Variants in ANKFN1 observed in about 807,000 individuals in gnomAD.
The protein encoded by ANKFN1 is ankyrin repeat and fibronectin type-III domain-containing protein 1.
ANKFN1 carries 74 observed loss-of-function variants against 108.7 expected under a neutral mutation model. The ratio of observed to expected loss-of-function variants is 0.68; its 90% confidence interval spans 0.56 to 0.83. The LOEUF (loss-of-function observed/expected upper bound fraction) is 0.83, where lower values mean the gene tolerates loss of function less well. Among genes scored for constraint, ANKFN1 ranks in the 40% least tolerant of loss-of-function variants. The pLI, the probability that ANKFN1 is intolerant of heterozygous loss-of-function variation, is 0.00. For synonymous variants in ANKFN1, 547 were observed against 516.2 expected (o/e 1.06, Z -0.81); for missense variants, 1,505 against 1,382.3 (o/e 1.09, Z -1.41).
At chr17:56,105,388 G>A (rs186153478) in intron 4 of ANKFN1, among the ~76,000 whole-genome samples, 90 of 152,178 alleles carry the variant, frequency 5.9e-4, no homozygotes, top group African/African-American at 2.1e-3. Flanking sequence ...GCACACCTCC[G>A]AGGCACGTGT....
intron 3 of ANKFN1, among the ~76,000 whole-genome samples, chr17:56,249,380 G>A (rs1480986837): frequency 6.6e-6 from 1 of 151,820 alleles, no homozygotes; most frequent in Admixed American, 6.6e-5. Flanking sequence ...ATTGCAGTAA[G>A]CCAAGATCGC....
At chr17:56,361,850 C>T (rs2046528945) in intron 6 of ANKFN1, among the ~76,000 whole-genome samples, 1 of 152,088 alleles carries the variant, frequency 6.6e-6, no homozygotes, top group African/African-American at 2.4e-5. Context: ...TACTCTATGA[C>T]ATGGCAGTTG....
At chr17:56,124,670 C>G (rs4427864) in intron 4 of ANKFN1, among the ~76,000 whole-genome samples, 89,741 of 152,046 alleles carry the variant, frequency 0.59, 27,021 homozygotes, top group East Asian at 0.81. Flanking sequence ...CATTACTTTT[C>G]TTGGACTAGC....
intron 3 of ANKFN1, among the ~76,000 whole-genome samples, chr17:56,246,550 C>T (rs569143140): frequency 6.6e-5 from 10 of 151,624 alleles, no homozygotes; most frequent in Admixed American, 4.6e-4. Flanking sequence ...AATTTTTTTT[C>T]CCTGGTGGAG....
intron 8 of ANKFN1, among the ~76,000 whole-genome samples, chr17:56,410,474 GA>G (rs2048059777): frequency 6.6e-6 from 1 of 152,104 alleles, no homozygotes; most frequent in South Asian, 2.1e-4. Flanking sequence ...ATACATTGTA[GA>G]AAAATTCAAT....
rs537154123 is a variant in ANKFN1, at chr17:56,309,562, C to G, written c.54-16659C>G. Among the ~76,000 whole-genome samples, 4 of 151,520 alleles carry G rather than the reference C, an allele frequency of 2.6e-5. No homozygotes were observed. In the South Asian group the frequency reaches 8.3e-4, roughly 32 times the overall value. ...ATAGATTTCTGCTCTTTTTTTGATT[C>G]ATAGATTGGAAGAATTTTCTAAAAT... On this transcript the variant is annotated intron_variant, in intron 3 of 20. Transcript: ENST00000682825.
At chr17:56,383,800 T>A (rs1377361407) in intron 8 of ANKFN1, among the ~76,000 whole-genome samples, 5 of 152,196 alleles carry the variant, frequency 3.3e-5, no homozygotes, top group Non-Finnish European at 7.3e-5. Context: ...AATCTCTAAA[T>A]AGACCAATAA....
chr17:56,058,630 C>CCT (rs35682195), intron 4 of ANKFN1, among the ~76,000 whole-genome samples: 123,038 of 151,802 alleles, frequency 0.81, 50,329 homozygotes, highest in African/African-American at 0.9. Context: ...TGTTCCGCTC[C>CCT]GTGTCCAAGT....
rs138190520 is a variant in ANKFN1 at position 56,227,169 on chromosome 17, A to G, written c.13-748A>G. The stretch of plus-strand genomic sequence containing the variant: ...CATAGGGACTTTCCTGCCATTTCCT[A>G]TTAAACCTACTACACTAAAAAGTAC... On this transcript the variant is annotated intron_variant, in intron 2 of 20. Transcript: ENST00000682825. Among the ~76,000 whole-genome samples the G allele has an allele frequency of 2.4e-3, 370 of 152,250 alleles. 3 individuals carry two copies. The highest frequency in any genetic ancestry group is 8.5e-3 in the African/African-American group (352 of 41,550).
At chr17:56,442,242 A>G (rs1412428299) in intron 9 of ANKFN1, among the ~76,000 whole-genome samples, 1 of 152,228 alleles carries the variant, frequency 6.6e-6, no homozygotes, top group African/African-American at 2.4e-5. Flanking sequence ...TGTTTATTGT[A>G]GCACAAAATG....
intron 8 of ANKFN1, among the ~76,000 whole-genome samples, chr17:56,396,404 C>T (rs369129076): frequency 6.6e-6 from 1 of 152,120 alleles, no homozygotes; most frequent in African/African-American, 2.4e-5. Flanking sequence ...GCTGAGATTG[C>T]GCCACTGCTC....
At chr17:56,419,730 G>A (rs530785936) in intron 8 of ANKFN1, among the ~76,000 whole-genome samples, 14 of 151,092 alleles carry the variant, frequency 9.3e-5, no homozygotes, top group Non-Finnish European at 1.6e-4. Flanking sequence ...TACTCAAGAC[G>A]GAGGATAGCT....
chr17:56,182,532 G>T (rs1417397836), intron 1 of ANKFN1, among the ~76,000 whole-genome samples: 1 of 152,190 alleles, frequency 6.6e-6, no homozygotes, highest in African/African-American at 2.4e-5. Context: ...TGGGAGAGGT[G>T]ACAAAGCTGC....
chr17:56,145,874 C>T (rs1908224428), intron 4 of ANKFN1, among the ~76,000 whole-genome samples: 1 of 152,142 alleles, frequency 6.6e-6, no homozygotes, highest in Non-Finnish European at 1.5e-5. Flanking sequence ...AAACAATTGC[C>T]TGAGGTCTTA....
intron 4 of ANKFN1, among the ~76,000 whole-genome samples, chr17:56,057,477 T>C (rs1162208642): frequency 6.6e-6 from 1 of 152,176 alleles, no homozygotes; most frequent in Non-Finnish European, 1.5e-5. Context: ...TAGACTTAAG[T>C]ATATTTCTTA....
Position 56,379,856 on chromosome 17 carries a change from T to C in ANKFN1, c.910+5142T>C, listed in dbSNP as rs533148703. Among the ~76,000 whole-genome samples, 187 of 152,378 alleles carry C rather than the reference T, an allele frequency of 1.2e-3. 3 individuals are homozygous for C. In the South Asian group the frequency reaches 0.037, roughly 30 times the overall value. On this transcript the variant is annotated intron_variant, in intron 8 of 20. Transcript: ENST00000682825. ...AGGGACTGTTTGTGGATTCACACAC[T>C]GTCCCATTGATCTGTCTATACCTGT...
chr17:56,290,947 A>G (rs2044347462), intron 3 of ANKFN1, among the ~76,000 whole-genome samples: 1 of 152,192 alleles, frequency 6.6e-6, no homozygotes, highest in African/African-American at 2.4e-5. Context: ...AGGGACTGGA[A>G]TGCTTAGAGA....
At chr17:56,183,858 C>A (rs148216669) in intron 1 of ANKFN1, among the ~76,000 whole-genome samples, 2 of 152,300 alleles carry the variant, frequency 1.3e-5, no homozygotes, top group Non-Finnish European at 2.9e-5. Context: ...GATGAAGAAA[C>A]TGCATATGTG....
chr17:56,133,528 CTGTGTGTGTGTG>C (rs10598270), intron 4 of ANKFN1, among the ~76,000 whole-genome samples: 1,677 of 146,398 alleles, frequency 0.011, 15 homozygotes, highest in South Asian at 0.021. Flanking sequence ...ATGTGTATAC[CTGTGTGTGTGTG>C]TGTGTGTGTG....
Sources: allele counts gnomAD v4.1 joint callset (sites outside exome capture counted in the v4.1 genomes callset), GRCh38; gene constraint gnomAD v4.1.1; transcripts MANE v1.5; gene names NCBI Gene and HGNC (gene_info 2026-07-23, HGNC 2026-07-21).